Variants in SUSD6 observed in about 807,000 individuals in gnomAD.
SUSD6 encodes the protein sushi domain-containing protein 6.
A neutral mutation model predicts 28.4 loss-of-function variants in SUSD6; 16 were observed. That is an observed-to-expected ratio of 0.56 (90% confidence interval 0.38 to 0.86). The LOEUF is 0.86. Ranked by LOEUF, SUSD6 falls within the 40% of genes least tolerant of loss-of-function variation. The probability of loss-of-function intolerance (pLI) is 0.00; values close to 1 mark genes in which losing one functional copy is unlikely to be tolerated. For missense variants in SUSD6, 341 were observed against 384.2 expected, an observed-to-expected ratio of 0.89 and a Z score of 0.94; for synonymous variants, 147 against 159.6, an observed-to-expected ratio of 0.92 and a Z score of 0.59.
At chr14:69,663,806 G>C (rs1170367630) in intron 2 of SUSD6, among the ~76,000 whole-genome samples, 1 of 152,122 alleles carries the variant, frequency 6.6e-6, no homozygotes, top group Non-Finnish European at 1.5e-5. Context: ...TACCTGTGCT[G>C]AGTGACAGGC....
chr14:69,690,348 G>T (rs566178382), intron 2 of SUSD6, among the ~76,000 whole-genome samples: 21 of 152,290 alleles, frequency 1.4e-4, no homozygotes, highest in African/African-American at 5.1e-4. Flanking sequence ...AACATCAAAG[G>T]CCAGTCCTAG....
At chr14:69,661,524 C>T (rs1885660800) in intron 2 of SUSD6, among the ~76,000 whole-genome samples, 1 of 152,162 alleles carries the variant, frequency 6.6e-6, no homozygotes, top group African/African-American at 2.4e-5. Flanking sequence ...TTCTACTCCC[C>T]ATAAAACATG....
At chr14:69,665,247 CT>C (rs766040350) in intron 2 of SUSD6, among the ~76,000 whole-genome samples, 1 of 151,700 alleles carries the variant, frequency 6.6e-6, no homozygotes, top group African/African-American at 2.4e-5. Context: ...GTGACTATAA[CT>C]TTTTTTTTCT....
intron 1 of SUSD6, among the ~76,000 whole-genome samples, chr14:69,654,859 A>G (rs1885558117): frequency 6.8e-6 from 1 of 146,792 alleles, no homozygotes; most frequent in African/African-American, 2.6e-5. Context: ...CAGTGGCACA[A>G]TATCGGCTCA....
intron 2 of SUSD6, among the ~76,000 whole-genome samples, chr14:69,682,955 T>C (rs1886019201): frequency 7.2e-6 from 1 of 138,260 alleles, no homozygotes; most frequent in African/African-American, 3.4e-5. Context: ...GCCTTTTTTT[T>C]TTTTTTTTTT....
At chr14:69,642,852 A>ATCAG (rs1885373330) in intron 1 of SUSD6, among the ~76,000 whole-genome samples, 1 of 152,076 alleles carries the variant, frequency 6.6e-6, no homozygotes, top group South Asian at 2.1e-4. Context: ...GCATGCACAG[A>ATCAG]TCAGTACTCA....
intron 1 of SUSD6, among the ~76,000 whole-genome samples, chr14:69,643,822 GACAA>G (rs1336303504): frequency 6.6e-6 from 1 of 152,186 alleles, no homozygotes; most frequent in African/African-American, 2.4e-5. Flanking sequence ...TTTTATATGT[GACAA>G]ACAGAGGCTC....
At chr14:69,661,942 G>A (rs1028015650) in intron 2 of SUSD6, among the ~76,000 whole-genome samples, 2 of 152,086 alleles carry the variant, frequency 1.3e-5, no homozygotes, top group Non-Finnish European at 2.9e-5. Context: ...TGGGACCATA[G>A]GCATGCACCA....
intron 2 of SUSD6, among the ~76,000 whole-genome samples, chr14:69,662,673 T>C (rs970445230): frequency 6.6e-6 from 1 of 152,246 alleles, no homozygotes; most frequent in Non-Finnish European, 1.5e-5. Context: ...CTATCCAATT[T>C]GCCTTTCTTG....
chr14:69,710,811 C>T, intron 5 of SUSD6, 143 bp from the exon 6 acceptor site: 1 of 702,840 alleles, frequency 1.4e-6, no homozygotes, highest in Non-Finnish European at 2.4e-6. Flanking sequence ...GAGTTTTTGC[C>T]TACCTAGAAG....
At chr14:69,692,894 T>A (rs1182419768) in intron 2 of SUSD6, among the ~76,000 whole-genome samples, 1 of 152,152 alleles carries the variant, frequency 6.6e-6, no homozygotes, top group Non-Finnish European at 1.5e-5. Context: ...CTCTGGGAGA[T>A]GAGGAATTCT....
intron 1 of SUSD6, among the ~76,000 whole-genome samples, chr14:69,615,946 G>A (rs1884953361): frequency 6.6e-6 from 1 of 152,220 alleles, no homozygotes; most frequent in African/African-American, 2.4e-5. Context: ...GCCAGTGTTA[G>A]TAGATCCTTA....
At chr14:69,638,393 T>C (rs1040027741) in intron 1 of SUSD6, among the ~76,000 whole-genome samples, 1 of 150,218 alleles carries the variant, frequency 6.7e-6, no homozygotes, top group Non-Finnish European at 1.5e-5. Context: ...TGGTGTGAGT[T>C]TGAAGGTTCT....
At chr14:69,630,016 T>TTAA (rs1289026514) in intron 1 of SUSD6, among the ~76,000 whole-genome samples, 1 of 152,204 alleles carries the variant, frequency 6.6e-6, no homozygotes, top group Non-Finnish European at 1.5e-5. Context: ...CTTCTAAAGG[T>TTAA]ATTAAGCTCT....
At chr14:69,623,238 C>T (rs745974806) in intron 1 of SUSD6, among the ~76,000 whole-genome samples, 1 of 152,142 alleles carries the variant, frequency 6.6e-6, no homozygotes, top group South Asian at 2.1e-4. Context: ...AACAAAAATA[C>T]GAACATGTGC....
At chr14:69,668,190 A>G (rs546175906) in intron 2 of SUSD6, among the ~76,000 whole-genome samples, 10 of 152,342 alleles carry the variant, frequency 6.6e-5, no homozygotes, top group African/African-American at 2.4e-4. Flanking sequence ...TGCCTCAGGG[A>G]TGCAGGTGGT....
At chr14:69,631,671 G>T (rs768786286) in intron 1 of SUSD6, among the ~76,000 whole-genome samples, 3 of 152,126 alleles carry the variant, frequency 2.0e-5, no homozygotes, top group Non-Finnish European at 4.4e-5. Context: ...CATGTTTCTG[G>T]AGTAGGATTA....
intron 2 of SUSD6, among the ~76,000 whole-genome samples, chr14:69,698,483 GTT>G (rs1886259413): frequency 1.3e-5 from 2 of 152,182 alleles, no homozygotes; most frequent in African/African-American, 4.8e-5. Flanking sequence ...TATTTGTTCT[GTT>G]TGTTAAATTG....
chr14:69,649,096 A>G (rs1885467914), intron 1 of SUSD6, among the ~76,000 whole-genome samples: 1 of 152,174 alleles, frequency 6.6e-6, no homozygotes, highest in South Asian at 2.1e-4. Context: ...AGCACTTTTT[A>G]AAAAACCTTC....
Sources: gnomAD v4.1 joint callset for allele counts (sites outside exome capture counted in the v4.1 genomes callset) on GRCh38, gnomAD v4.1.1 for gene constraint, MANE v1.5 for transcripts, NCBI Gene and HGNC (gene_info 2026-07-23, HGNC 2026-07-21) for gene names.